Variants in RBFOX1 observed in about 807,000 individuals in gnomAD.
RBFOX1 encodes RNA binding fox-1 homolog 1.
RBFOX1 carries 8 observed loss-of-function variants against 57.7 expected under a neutral mutation model. The observed-to-expected ratio is 0.14, with a 90% CI of 0.08 to 0.25. The LOEUF (loss-of-function observed/expected upper bound fraction) is 0.25. Ranked by LOEUF, RBFOX1 falls within the 10% of genes least tolerant of loss-of-function variation. The probability of loss-of-function intolerance (pLI) is 1.00; values close to 1 mark genes in which losing one functional copy is unlikely to be tolerated. For missense variants in RBFOX1, 611 were observed against 548.5 expected (o/e 1.11, Z -1.14); for synonymous variants, 326 against 222.4 (o/e 1.47, Z -4.15).
intron 1 of RBFOX1, among the ~76,000 whole-genome samples, chr16:6,254,716 C>G (rs950164111): frequency 6.6e-6 from 1 of 152,102 alleles, no homozygotes; most frequent in African/African-American, 2.4e-5. Context: ...AATTTTAAAG[C>G]ATTTTGAAAA....
At chr16:6,546,174 C>G (rs2096892279) in intron 2 of RBFOX1, among the ~76,000 whole-genome samples, 1 of 152,188 alleles carries the variant, frequency 6.6e-6, no homozygotes, top group South Asian at 2.1e-4. Context: ...GTTGGACAAG[C>G]TTGGCCTAAA....
chr16:5,548,183 A>ATG (rs1242779582), intron 2 of RBFOX1, among the ~76,000 whole-genome samples: 1 of 92,690 alleles, frequency 1.1e-5, no homozygotes, highest in Non-Finnish European at 2.2e-5. Flanking sequence ...AAATATATAT[A>ATG]TATATATATA....
intron 3 of RBFOX1, among the ~76,000 whole-genome samples, chr16:5,670,187 G>A (rs1596675284): frequency 2.0e-5 from 3 of 152,212 alleles, no homozygotes; most frequent in South Asian, 4.2e-4. Context: ...TGGGGGAGGG[G>A]TTTTGAGGAG....
At chr16:5,533,262 G>T (rs1273828808) in intron 2 of RBFOX1, among the ~76,000 whole-genome samples, 4 of 152,206 alleles carry the variant, frequency 2.6e-5, no homozygotes, top group Admixed American at 1.3e-4. Flanking sequence ...TGAAATTGCA[G>T]AAATTCAACT....
At chr16:5,754,536 C>T (rs1420872347) in intron 3 of RBFOX1, among the ~76,000 whole-genome samples, 2 of 135,476 alleles carry the variant, frequency 1.5e-5, no homozygotes, top group African/African-American at 5.7e-5. Context: ...AGGATCCCGC[C>T]AGCCTCTGAG....
chr16:7,661,208 C>T (rs1359913383), intron 12 of RBFOX1, among the ~76,000 whole-genome samples: 1 of 152,154 alleles, frequency 6.6e-6, no homozygotes, highest in Non-Finnish European at 1.5e-5. Context: ...TTAGAGTTAT[C>T]CTAAAGATAG....
chr16:6,048,775 G>A (rs918800493), intron 1 of RBFOX1, among the ~76,000 whole-genome samples: 9 of 152,232 alleles, frequency 5.9e-5, no homozygotes, highest in African/African-American at 1.4e-4. Context: ...TATGGTTTTC[G>A]TTCATTCCTA....
intron 1 of RBFOX1, among the ~76,000 whole-genome samples, chr16:5,293,165 A>T (rs929467595): frequency 6.6e-6 from 1 of 152,030 alleles, no homozygotes; most frequent in Non-Finnish European, 1.5e-5. Flanking sequence ...TACTAAAAAT[A>T]CAAAAATTAG....
chr16:5,985,284 G>T (rs932409954), intron 4 of RBFOX1, among the ~76,000 whole-genome samples: 1 of 151,396 alleles, frequency 6.6e-6, no homozygotes. Context: ...GAGTCATCAT[G>T]TCCGGCCAAC....
chr16:7,419,814 T>C (rs1176591930), intron 4 of RBFOX1, among the ~76,000 whole-genome samples: 1 of 152,188 alleles, frequency 6.6e-6, no homozygotes, highest in African/African-American at 2.4e-5. Context: ...GTTCTGCTTT[T>C]TCCAGATGCC....
At chr16:6,251,070 A>C (rs2097606734) in intron 1 of RBFOX1, among the ~76,000 whole-genome samples, 1 of 152,124 alleles carries the variant, frequency 6.6e-6, no homozygotes, top group Admixed American at 6.6e-5. Context: ...CAGCAGTACC[A>C]CTTAATGAGA....
intron 3 of RBFOX1, among the ~76,000 whole-genome samples, chr16:5,861,686 G>A (rs1406673189): frequency 1.3e-5 from 2 of 152,120 alleles, no homozygotes; most frequent in African/African-American, 4.8e-5. Flanking sequence ...GCCAGCATTT[G>A]GACATCTTTC....
intron 1 of RBFOX1, among the ~76,000 whole-genome samples, chr16:6,071,139 A>G (rs992173268): frequency 3.9e-5 from 6 of 152,120 alleles, no homozygotes; most frequent in African/African-American, 1.2e-4. Flanking sequence ...CCTGGGTAAC[A>G]TGGTGAAACC....
chr16:7,255,282 A>G (rs937426284), intron 4 of RBFOX1, among the ~76,000 whole-genome samples: 1 of 152,200 alleles, frequency 6.6e-6, no homozygotes, highest in African/African-American at 2.4e-5. Context: ...ACTCTGTGCT[A>G]TTTCCATTCT....
chr16:6,142,503 G>C (rs564938865), intron 1 of RBFOX1, among the ~76,000 whole-genome samples: 1 of 152,020 alleles, frequency 6.6e-6, no homozygotes, highest in Non-Finnish European at 1.5e-5. Flanking sequence ...TTACAGGCGT[G>C]AGCCACCATG....
chr16:6,157,131 C>G (rs1384429335), intron 1 of RBFOX1, among the ~76,000 whole-genome samples: 1 of 151,714 alleles, frequency 6.6e-6, no homozygotes, highest in Non-Finnish European at 1.5e-5. Context: ...CAACACCCCT[C>G]TAATATAAAT....
At chr16:5,572,994 G>A (rs1032522416) in intron 2 of RBFOX1, among the ~76,000 whole-genome samples, 7 of 152,154 alleles carry the variant, frequency 4.6e-5, no homozygotes, top group Admixed American at 2.6e-4. Context: ...CCTGACCTTT[G>A]ATGAAGGCTG....
At chr16:5,601,598 T>C (rs980327672), downstream of RBFOX1, 1 of 152,174 alleles carries the variant, frequency 6.6e-6, no homozygotes, top group Non-Finnish European at 1.5e-5. Context: ...GCTACCACAC[T>C]CTTCATAATC....
intron 4 of RBFOX1, among the ~76,000 whole-genome samples, chr16:7,204,833 G>A (rs923879536): frequency 2.0e-5 from 3 of 151,808 alleles, no homozygotes; most frequent in Non-Finnish European, 2.9e-5. Flanking sequence ...TTTCCCCTCC[G>A]CACAGTTTCT....
Sources: allele counts gnomAD v4.1 joint callset (sites outside exome capture counted in the v4.1 genomes callset), GRCh38; gene constraint gnomAD v4.1.1; transcripts MANE v1.5; gene names NCBI Gene and HGNC (gene_info 2026-07-23, HGNC 2026-07-21).